Variants in CNTNAP2 observed in about 807,000 individuals in gnomAD.
The protein encoded by CNTNAP2 is contactin-associated protein-like 2.
In CNTNAP2, 98 loss-of-function variants were observed where a neutral mutation model predicts 155.2. That is an observed-to-expected ratio of 0.63 (90% CI 0.54 to 0.75). The LOEUF is 0.75. Among genes scored for constraint, CNTNAP2 ranks in the 30% least tolerant of loss-of-function variants. CNTNAP2 has a pLI of 0.00. For missense variants in CNTNAP2, 1,727 were observed against 1,688.1 expected (o/e 1.02, Z -0.40); for synonymous variants, 651 against 631.2 (o/e 1.03, Z -0.47).
intron 15 of CNTNAP2, among the ~76,000 whole-genome samples, chr7:148,015,808 G>A (rs373431063): frequency 6.6e-6 from 1 of 152,188 alleles, no homozygotes; most frequent in Non-Finnish European, 1.5e-5. Flanking sequence ...AAAGAGATTA[G>A]TCAGCAGCTT....
At chr7:146,117,719 T>G (rs986343426) in intron 1 of CNTNAP2, among the ~76,000 whole-genome samples, 1 of 152,152 alleles carries the variant, frequency 6.6e-6, no homozygotes, top group Non-Finnish European at 1.5e-5. Flanking sequence ...TGTGTGTGTG[T>G]GTTTAAGACT....
intron 21 of CNTNAP2, among the ~76,000 whole-genome samples, chr7:148,300,596 A>G (rs371574234): frequency 6.7e-5 from 10 of 149,132 alleles, no homozygotes; most frequent in African/African-American, 1.5e-4. Flanking sequence ...AAAAAAAGTC[A>G]CTAAAAGACC....
At chr7:147,629,265 A>T (rs1795040962) in intron 12 of CNTNAP2, among the ~76,000 whole-genome samples, 1 of 151,894 alleles carries the variant, frequency 6.6e-6, no homozygotes, top group African/African-American at 2.4e-5. Flanking sequence ...TAGCCAAGCA[A>T]CGTGATGGGT....
chr7:146,666,861 GT>G (rs764265068), intron 1 of CNTNAP2, among the ~76,000 whole-genome samples: 2 of 152,060 alleles, frequency 1.3e-5, no homozygotes, highest in Non-Finnish European at 2.9e-5. Flanking sequence ...AGATGTTTGA[GT>G]TTTTTGTGTA....
intron 1 of CNTNAP2, among the ~76,000 whole-genome samples, chr7:146,658,858 G>GAA (rs1800037597): frequency 6.6e-6 from 1 of 152,172 alleles, no homozygotes; most frequent in African/African-American, 2.4e-5. Flanking sequence ...CAGGTGGAGA[G>GAA]AAATGTGATC....
chr7:146,650,858 C>A (rs1047383216), intron 1 of CNTNAP2, among the ~76,000 whole-genome samples: 1 of 151,998 alleles, frequency 6.6e-6, no homozygotes, highest in Non-Finnish European at 1.5e-5. Context: ...TCTGAAGATT[C>A]CTTTCATTAG....
chr7:148,238,264 G>A (rs1229167113), intron 20 of CNTNAP2, among the ~76,000 whole-genome samples: 2 of 152,248 alleles, frequency 1.3e-5, no homozygotes, highest in East Asian at 1.9e-4. Flanking sequence ...CAGGAGAATC[G>A]CTTGAACCCG....
At chr7:147,237,885 AAC>A (rs1803846659) in intron 8 of CNTNAP2, among the ~76,000 whole-genome samples, 1 of 152,374 alleles carries the variant, frequency 6.6e-6, no homozygotes, top group South Asian at 2.1e-4. Flanking sequence ...TCAGGTTGTA[AAC>A]ACTCACTTTA....
At chr7:146,648,949 G>T (rs1384973651) in intron 1 of CNTNAP2, among the ~76,000 whole-genome samples, 1 of 152,042 alleles carries the variant, frequency 6.6e-6, no homozygotes, top group Non-Finnish European at 1.5e-5. Context: ...GCGGACAGAT[G>T]ATGGGAAATA....
rs1160845108 is a variant in CNTNAP2, at chr7:148,277,362, G to C, written c.3475+10236G>C. ...CTGCCATCCTGCCCTTTGCTTACTT[G>C]CTGTGCCCTCAATCTCCCACTTGAG... is the stretch of plus-strand genomic sequence containing the variant. On this transcript the variant is annotated intron_variant, in intron 21 of 23. Transcript: ENST00000361727. 1.3e-5 allele frequency among the ~76,000 whole-genome samples: 2 copies of C among 152,068 alleles called. 1 individual carries two copies. The highest frequency in any genetic ancestry group is 1.3e-4 in the Admixed American group (2 of 15,258).
At chr7:146,920,412 A>G (rs956399271) in intron 3 of CNTNAP2, among the ~76,000 whole-genome samples, 13 of 151,924 alleles carry the variant, frequency 8.6e-5, no homozygotes, top group Non-Finnish European at 1.9e-4. Flanking sequence ...ATGAAACTCC[A>G]TTAAAAAAAA....
At chr7:146,681,137 C>G (rs1431308813) in intron 1 of CNTNAP2, among the ~76,000 whole-genome samples, 2 of 151,552 alleles carry the variant, frequency 1.3e-5, no homozygotes, top group Non-Finnish European at 2.9e-5. Flanking sequence ...GCTTAGGGGC[C>G]TCAGAAAGCG....
intron 8 of CNTNAP2, among the ~76,000 whole-genome samples, chr7:147,194,743 C>T (rs1584784800): frequency 6.6e-6 from 1 of 152,166 alleles, no homozygotes; most frequent in South Asian, 2.1e-4. Flanking sequence ...CTGTTCATAT[C>T]CTTTGCCCAC....
At chr7:147,514,882 A>G (rs569316095) in intron 11 of CNTNAP2, among the ~76,000 whole-genome samples, 1 of 152,276 alleles carries the variant, frequency 6.6e-6, no homozygotes, top group East Asian at 1.9e-4. Context: ...TTCCTGCCTT[A>G]GTCGACCTAC....
intron 3 of CNTNAP2, among the ~76,000 whole-genome samples, chr7:147,020,066 T>C (rs537346726): frequency 6.6e-6 from 1 of 152,200 alleles, no homozygotes; most frequent in East Asian, 1.9e-4. Flanking sequence ...AGTATATTAG[T>C]ATAGTATAGC....
chr7:146,901,257 G>A (rs1271694907), intron 3 of CNTNAP2, among the ~76,000 whole-genome samples: 4 of 152,114 alleles, frequency 2.6e-5, no homozygotes, highest in East Asian at 3.8e-4. Flanking sequence ...AGTTTCTGCT[G>A]AGTAAAAGCT....
At chr7:148,121,010 G>C (rs1804584026) in intron 16 of CNTNAP2, among the ~76,000 whole-genome samples, 3 of 152,010 alleles carry the variant, frequency 2.0e-5, no homozygotes, top group South Asian at 2.1e-4. Flanking sequence ...TGCTGTCGCT[G>C]TCTCATCAAT....
intron 1 of CNTNAP2, among the ~76,000 whole-genome samples, chr7:146,151,236 T>G (rs970823816): frequency 6.6e-6 from 1 of 152,084 alleles, no homozygotes; most frequent in Non-Finnish European, 1.5e-5. Context: ...AGCCTAACCA[T>G]ATCATTCTCT....
At chr7:146,926,805 T>C (rs553306246) in intron 3 of CNTNAP2, among the ~76,000 whole-genome samples, 1 of 152,248 alleles carries the variant, frequency 6.6e-6, no homozygotes, top group East Asian at 1.9e-4. Context: ...AGTTTATCTG[T>C]ATACAATCCA....
Sources: allele counts gnomAD v4.1 joint callset (sites outside exome capture counted in the v4.1 genomes callset), GRCh38; gene constraint gnomAD v4.1.1; transcripts MANE v1.5; gene names NCBI Gene and HGNC (gene_info 2026-07-23, HGNC 2026-07-21).